The following PSD4 variants were observed in gnomAD, a reference collection of about 807,000 sequenced individuals.
PSD4 encodes PH and SEC7 domain-containing protein 4.
A neutral mutation model predicts 112.5 loss-of-function variants in PSD4; 59 were observed. The observed-to-expected ratio is 0.52, with a 90% CI of 0.43 to 0.65. PSD4 has a LOEUF of 0.65. Ranked by LOEUF, PSD4 falls within the 30% of genes least tolerant of loss-of-function variation. The probability of loss-of-function intolerance (pLI) is 0.00; values close to 1 mark genes in which losing one functional copy is unlikely to be tolerated. For synonymous variants in PSD4, 533 were observed against 540.0 expected, an observed-to-expected ratio of 0.99 and a Z score of 0.18; for missense variants, 1,267 against 1,352.6, an observed-to-expected ratio of 0.94 and a Z score of 0.99.
rs533233270 is a variant in PSD4, at chr2:113,179,220, C to A, written c.-111-3126C>A. ...ATCCCTTCTGCCTTAGAAGTAGAACCGTCTCAGGCCTCTTGCCCAGAGAGC... is the reference window on the plus strand; with the variant it reads ...ATCCCTTCTGCCTTAGAAGTAGAACAGTCTCAGGCCTCTTGCCCAGAGAGC... On this transcript the variant is annotated intron_variant, in intron 1 of 16. Transcript: ENST00000245796. Among the ~76,000 whole-genome samples, 15 of 152,256 alleles carry A rather than the reference C, an allele frequency of 9.9e-5. No individual in the cohort carries two copies. The South Asian group carries it at 3.1e-3, about 32-fold the overall frequency.
chr2:113,180,693 T>A (rs1463789082), intron 1 of PSD4, among the ~76,000 whole-genome samples: 1 of 151,694 alleles, frequency 6.6e-6, no homozygotes, highest in Admixed American at 6.6e-5. Context: ...CTGCTCATCT[T>A]TCAGGTGCGA....
intron 5 of PSD4, among the ~76,000 whole-genome samples, chr2:113,191,662 T>C (rs1241796580): frequency 6.6e-6 from 1 of 152,258 alleles, no homozygotes; most frequent in African/African-American, 2.4e-5. Context: ...ATAACTGGAA[T>C]ACCCCACACT....
At chr2:113,199,351 G>A (rs1229343853) in intron 16 of PSD4, 125 bp downstream of exon 16, 1 of 1,200,250 alleles carries the variant, frequency 8.3e-7, no homozygotes, top group Non-Finnish European at 1.1e-6. Context: ...CTTGCGTGCG[G>A]GCGGGGCCCG....
chr2:113,203,937 T>C lies in PSD4; in HGVS notation c.*2522T>C, dbSNP rs1168430686. ...TGTGTGTGACACTTTGATGCTCCTT[T>C]GCTCATGTAGAACCGGCACCTCTCT... On this transcript the variant is annotated 3_prime_UTR_variant, in exon 17 of 17. Coordinates refer to ENST00000245796, the MANE Select transcript of PSD4 (RefSeq NM_012455.3). 1 of 152,202 alleles carries C rather than the reference T, an allele frequency of 6.6e-6. No homozygotes were observed. Among genetic ancestry groups the C allele is most frequent in the Non-Finnish European group, 1.5e-5 (1 of 68,046 alleles). 9.4% of individuals were successfully genotyped at this position (152,202 alleles called of 1,614,324 possible).
rs1279273436 is a variant in PSD4, at chr2:113,182,914, A to G, written c.458A>G (p.Gln153Arg). ...SPKQNRSTST[Q>R]VVFWAGILQA... ...AAGCAGAACCGGAGCACGTCCACAC[A>G]GGTAGTGTTCTGGGCAGGCATCCTG... Residue 153 changes from glutamine (Q) to arginine (R), a missense_variant, in exon 2 of 17, where the codon CAG (glutamine) becomes CGG (arginine). By Grantham distance (43) the Gln-to-Arg change is conservative (BLOSUM62 1). Coordinates refer to ENST00000245796, the MANE Select transcript of PSD4 (RefSeq NM_012455.3). The G allele has an allele frequency of 1.9e-6, 3 of 1,614,192 alleles. No individual in the cohort carries two copies. Among genetic ancestry groups the G allele is most frequent in the Non-Finnish European group, 2.5e-6 (3 of 1,180,018 alleles).
intron 1 of PSD4, among the ~76,000 whole-genome samples, chr2:113,176,841 G>A (rs1440290750): frequency 1.3e-5 from 2 of 152,162 alleles, no homozygotes; most frequent in Non-Finnish European, 2.9e-5. Flanking sequence ...TCCTACCTCA[G>A]GGATCAAAGG....
At chr2:113,189,351 G>GTATATA (rs35251391) in intron 5 of PSD4, among the ~76,000 whole-genome samples, 1,879 of 146,106 alleles carry the variant, frequency 0.013, 34 homozygotes, top group African/African-American at 0.044. Flanking sequence ...ATATATAATA[G>GTATATA]TATATATATA....
Position 113,201,485 on chromosome 2 carries a change from A to G in PSD4, c.*70A>G, listed in dbSNP as rs1688778652. Reference sequence around the variant, plus strand: ...CCTGAGATGAACCTCCCTGGAGGAGACTTATTTCAATGAGTCCACCATGAC... The same window carrying G: ...CCTGAGATGAACCTCCCTGGAGGAGGCTTATTTCAATGAGTCCACCATGAC... On this transcript the variant is annotated 3_prime_UTR_variant, in exon 17 of 17. Coordinates refer to ENST00000245796, the MANE Select transcript of PSD4 (RefSeq NM_012455.3). 1.3e-6 allele frequency: 2 copies of G among 1,567,642 alleles called. No homozygotes were observed. The highest frequency in any genetic ancestry group is 1.3e-5 in the African/African-American group (1 of 74,154).
Position 113,208,404 on chromosome 2 carries a change from A to G in PSD4, c.*6989A>G, listed in dbSNP as rs1479839798. ...CAAATGACCATACGGTACAGGTGTT[A>G]CTATATTACCTGTAAGACCACACTC... is the stretch of plus-strand genomic sequence containing the variant. On this transcript the variant is annotated 3_prime_UTR_variant, in exon 17 of 17. Transcript: ENST00000245796. 2.0e-5 allele frequency: 3 copies of G among 152,330 alleles called. No homozygotes were observed. The East Asian group carries it at 5.8e-4, about 29-fold the overall frequency. The allele number at this position is 152,330 out of a possible 1,614,324, so 9.4% of individuals were successfully genotyped here. A position where few individuals can be genotyped will look rare whatever the true frequency, so the allele number is the denominator to read the frequency against.
chr2:113,197,775 A>G lies in PSD4; in HGVS notation c.2486A>G (p.Glu829Gly), dbSNP rs1480175687. 33 of 1,609,994 alleles carry G rather than the reference A, an allele frequency of 2.0e-5. No homozygotes were observed. Among genetic ancestry groups the G allele is most frequent in the Non-Finnish European group, 2.7e-5 (32 of 1,176,836 alleles). ...KQGEDHCLEG[E>G]SLVGQMVDEP... is the part of the protein sequence containing the mutation. ...GGAGAAGACCACTGTCTGGAGGGGG[A>G]GAGCTTGGTGGGGCAGATGGTGGAT... The change falls in exon 14 of 17, where the codon GAG (glutamate) becomes GGG (glycine). Residue 829 changes from glutamate to glycine, a missense_variant. Around this residue, in one of 2 missense-constraint regions of PSD4, gnomAD observed 544 missense variants for 648.6 expected, o/e 0.84. Coordinates refer to ENST00000245796, the MANE Select transcript of PSD4 (RefSeq NM_012455.3).
At position 113,193,170 on chromosome 2, in the gene PSD4, G is replaced by T. The variant is rs753623273; in HGVS notation, c.1919+42G>T. The T allele has an allele frequency of 1.4e-5, 22 of 1,606,220 alleles. No individual in the cohort carries two copies. The South Asian group carries it at 2.4e-4, about 18-fold the overall frequency. ...CTCTCTGGGGAGGCTGTGGAGGATG[G>T]CATGGGGCAGTGGCACCAGCCTGAG... On this transcript the variant is annotated intron_variant, in intron 7 of 16. Transcript: ENST00000245796.
At chr2:113,184,377 C>CTTT (rs10610865) in intron 2 of PSD4, among the ~76,000 whole-genome samples, 1 of 125,760 alleles carries the variant, frequency 8.0e-6, no homozygotes, top group Non-Finnish European at 1.6e-5. Context: ...TCAGGACTTT[C>CTTT]TTTTTTTTTT....
intron 11 of PSD4, 78 bp downstream of exon 11, chr2:113,195,848 C>G (rs761375394): frequency 5.1e-6 from 8 of 1,571,920 alleles, no homozygotes; most frequent in Admixed American, 1.7e-5. Flanking sequence ...GTCACCCACC[C>G]GAGAGTTAGA....
chr2:113,188,656 C>T (rs1306627507), intron 5 of PSD4, among the ~76,000 whole-genome samples: 1 of 152,180 alleles, frequency 6.6e-6, no homozygotes, highest in Non-Finnish European at 1.5e-5. Flanking sequence ...TCTCGGCTCA[C>T]TGCAAACTCT....
intron 5 of PSD4, among the ~76,000 whole-genome samples, 196 bp from the exon 6 acceptor site, chr2:113,192,184 A>G (rs1368139060): frequency 2.0e-5 from 3 of 151,966 alleles, no homozygotes; most frequent in Non-Finnish European, 4.4e-5. Context: ...ACCTTGCATG[A>G]ATACCTTCCT....
At position 113,201,469 on chromosome 2, in the gene PSD4, A is replaced by G; in HGVS notation, c.*54A>G. 3 of 1,596,022 alleles carry G rather than the reference A, an allele frequency of 1.9e-6. No homozygotes were observed. The South Asian group carries it at 3.3e-5, about 18-fold the overall frequency. On this transcript the variant is annotated 3_prime_UTR_variant, in exon 17 of 17. Coordinates refer to ENST00000245796, the MANE Select transcript of PSD4 (RefSeq NM_012455.3). The stretch of plus-strand genomic sequence containing the variant: ...CCTGCTCCAGGGTAGACCTGAGATG[A>G]ACCTCCCTGGAGGAGACTTATTTCA...
chr2:113,199,160 G>A lies in PSD4; in HGVS notation c.2847G>A (p.Pro949=). Residue 949 remains proline, a synonymous_variant, in exon 16 of 17, where the codon CCG becomes CCA. Coordinates refer to ENST00000245796, the MANE Select transcript of PSD4 (RefSeq NM_012455.3). ...DDLLDLQRNL[P]ERRGRGRELE... ...TGCTGGATCTACAGAGGAACCTGCC[G>A]GAGCGGCGGGGCCGTGGCCGCGAGC... 1 of 1,525,014 alleles carries A rather than the reference G, an allele frequency of 6.6e-7. No homozygotes were observed. The highest frequency in any genetic ancestry group is 8.8e-7 in the Non-Finnish European group (1 of 1,138,810). 94.5% of individuals were successfully genotyped at this position (1,525,014 alleles called of 1,614,324 possible).
At chr2:113,192,912 C>T in intron 6 of PSD4, 136 bp from the exon 7 acceptor site, 1 of 843,618 alleles carries the variant, frequency 1.2e-6, no homozygotes, top group Non-Finnish European at 1.9e-6. Context: ...CTGTCAGGAC[C>T]CAAGGCCCAG....
At chr2:113,198,622 A>G in intron 14 of PSD4, 118 bp from the exon 15 acceptor site, 2 of 1,245,760 alleles carry the variant, frequency 1.6e-6, no homozygotes, top group Non-Finnish European at 2.1e-6. Flanking sequence ...GGCTGTAACT[A>G]TGGGAGGCTG....
Sources: gnomAD v4.1 joint callset for allele counts (sites outside exome capture counted in the v4.1 genomes callset) on GRCh38, gnomAD v4.1.1 for gene constraint, gnomAD v4.1.1 regional missense constraint, MANE v1.5 for transcripts, NCBI Gene and HGNC (gene_info 2026-07-23, HGNC 2026-07-21) for gene names.